The following CCDC141 variants were observed in gnomAD, a reference collection of about 807,000 sequenced individuals.
CCDC141 encodes the protein coiled-coil domain containing 141, also known as coiled-coil domain-containing protein 141.
A neutral mutation model predicts 181.0 loss-of-function variants in CCDC141; 168 were observed. That is an observed-to-expected ratio of 0.93 (90% CI 0.82 to 1.05). The LOEUF (loss-of-function observed/expected upper bound fraction) is 1.05, where lower values mean the gene tolerates loss of function less well. CCDC141 is among the 50% of genes least tolerant of loss of function. The pLI, the probability that CCDC141 is intolerant of heterozygous loss-of-function variation, is 0.00. For missense variants in CCDC141, 1,902 were observed against 1,788.5 expected, an observed-to-expected ratio of 1.06 and a Z score of -1.14; for synonymous variants, 666 against 642.3, an observed-to-expected ratio of 1.04 and a Z score of -0.56.
intron 6 of CCDC141, among the ~76,000 whole-genome samples, chr2:178,940,107 C>T (rs1406458967): frequency 1.3e-5 from 2 of 152,116 alleles, no homozygotes; most frequent in African/African-American, 4.8e-5. Context: ...ATGTCAGCAA[C>T]TGGGCATGAA....
intron 5 of CCDC141, among the ~76,000 whole-genome samples, chr2:178,955,012 C>T (rs544695292): frequency 2.0e-5 from 3 of 152,232 alleles, no homozygotes; most frequent in South Asian, 2.1e-4. Context: ...AGGCCAGGCA[C>T]GGTGGCTCAT....
intron 2 of CCDC141, among the ~76,000 whole-genome samples, chr2:179,037,606 G>A (rs981319029): frequency 2.6e-5 from 4 of 152,084 alleles, no homozygotes; most frequent in African/African-American, 9.7e-5. Context: ...TATCTGATAA[G>A]GCATTAATAT....
Position 178,908,181 on chromosome 2 carries a change from G to A in CCDC141, c.1093-2680C>T, listed in dbSNP as rs1688062474. Among the ~76,000 whole-genome samples the A allele has an allele frequency of 3.3e-5, 5 of 152,130 alleles. No homozygotes were observed. In the South Asian group the frequency reaches 1.0e-3, roughly 32 times the overall value. ...AATAAAGCGGAGTTTGTTGTTAACTGAGGGTTAGGTTTTTTGTTTTGTTTT... is the reference window on the plus strand; with the variant it reads ...AATAAAGCGGAGTTTGTTGTTAACTAAGGGTTAGGTTTTTTGTTTTGTTTT... On this transcript the variant is annotated intron_variant, in intron 7 of 23. Coordinates refer to ENST00000443758, the MANE Select transcript of CCDC141 (RefSeq NM_173648.4).
chr2:178,959,359 AG>A (rs1191589186), intron 5 of CCDC141, among the ~76,000 whole-genome samples: 1 of 152,142 alleles, frequency 6.6e-6, no homozygotes, highest in Non-Finnish European at 1.5e-5. Context: ...GATAAAAGGA[AG>A]GTTCCTTTAA....
chr2:178,981,299 C>T lies in CCDC141; in HGVS notation c.226-2624G>A, dbSNP rs551960868. 4.6e-5 allele frequency among the ~76,000 whole-genome samples: 7 copies of T among 152,068 alleles called. No individual in the cohort carries two copies. In the East Asian group the frequency reaches 1.4e-3, roughly 29 times the overall value. ...TTCCAACAATGCATAACACACTTTC[C>T]TCTCAAGCTTACATGGAACATACAT... On this transcript the variant is annotated intron_variant, in intron 2 of 23. Coordinates refer to ENST00000443758, the MANE Select transcript of CCDC141 (RefSeq NM_173648.4).
At chr2:178,827,288 G>C (rs967632706), downstream of CCDC141, among the ~76,000 whole-genome samples, 1 of 152,136 alleles carries the variant, frequency 6.6e-6, no homozygotes, top group Non-Finnish European at 1.5e-5. Flanking sequence ...CTTGGAAAAT[G>C]CTCCACGTGA....
chr2:178,989,612 A>ATAAG (rs1312561798), intron 2 of CCDC141, among the ~76,000 whole-genome samples: 7 of 140,546 alleles, frequency 5.0e-5, no homozygotes, highest in Admixed American at 4.9e-4. Flanking sequence ...AAAAAAATAA[A>ATAAG]TAAATAAATA....
At chr2:178,938,774 G>T (rs975099970) in intron 6 of CCDC141, among the ~76,000 whole-genome samples, 4 of 151,948 alleles carry the variant, frequency 2.6e-5, no homozygotes, top group Non-Finnish European at 2.9e-5. Context: ...AGGAAAGTGG[G>T]GCTCGCAGGG....
chr2:178,863,789 G>A (rs1047746405), intron 17 of CCDC141, among the ~76,000 whole-genome samples: 5 of 152,220 alleles, frequency 3.3e-5, no homozygotes, highest in African/African-American at 4.8e-5. Context: ...TGGATCAGTA[G>A]TGGAAGCAAA....
At chr2:178,972,283 C>T (rs557985820) in intron 4 of CCDC141, among the ~76,000 whole-genome samples, 12 of 152,232 alleles carry the variant, frequency 7.9e-5, no homozygotes, top group South Asian at 6.2e-4. Context: ...TAAAGCACTT[C>T]GTTTGTTGCT....
chr2:178,976,984 C>A (rs1691149839), intron 3 of CCDC141, among the ~76,000 whole-genome samples: 1 of 152,120 alleles, frequency 6.6e-6, no homozygotes, highest in Non-Finnish European at 1.5e-5. Context: ...TTACTTTTAT[C>A]AGTATTTTCC....
rs770231088 is a variant in CCDC141 at position 178,855,465 on chromosome 2, T to A, written c.2942A>T (p.Asn981Ile). The A allele has an allele frequency of 6.2e-7, 1 of 1,611,404 alleles. No homozygotes were observed. The highest frequency in any genetic ancestry group is 1.7e-5 in the Admixed American group (1 of 59,616). Residue 981 changes from asparagine to isoleucine, a missense_variant, in exon 19 of 24, where the codon AAT becomes ATT. Coordinates refer to ENST00000443758, the MANE Select transcript of CCDC141 (RefSeq NM_173648.4). ...ATCCTTCATGACTTCCAAAAGGACA[T>A]TAACTTTATCACTTGGATAATTTAA... ...SFLNYPSDKV[N>I]VLLEVMKDLQ...
In CCDC141 at chr2:178,837,045, T is replaced by C. The variant is rs1275066432; in HGVS notation, c.4174A>G (p.Ile1392Val). 3.8e-5 allele frequency: 61 copies of C among 1,613,906 alleles called. No individual in the cohort carries two copies. The highest frequency in any genetic ancestry group is 5.1e-5 in the Non-Finnish European group (60 of 1,179,954). ...CTGCTCTTTGCTGATGTGCTTTTAA[T>C]CTCTTCTCGAGGAACCATTTGCCTC... ...YQRQMVPREE[I>V]KSTSAKSSVV... is the part of the protein sequence containing the mutation. The change falls in exon 23 of 24, where the codon ATT becomes GTT. Residue 1392 changes from isoleucine (I) to valine (V), a missense_variant. Transcript: ENST00000443758.
chr2:179,015,286 C>CATATATCTCATATATGTATCAT (rs2042444026), intron 2 of CCDC141, among the ~76,000 whole-genome samples: 1 of 120,862 alleles, frequency 8.3e-6, no homozygotes, highest in Admixed American at 8.6e-5. Flanking sequence ...ATCTATCTCT[C>CATATATCTCATATATGTATCAT]ATATATCTCA....
intron 6 of CCDC141, among the ~76,000 whole-genome samples, chr2:178,927,849 CA>C (rs1688966291): frequency 6.6e-6 from 1 of 152,024 alleles, no homozygotes; most frequent in South Asian, 2.1e-4. Context: ...AACGAAGAGA[CA>C]AAAAGTCTGG....
chr2:178,954,199 G>A (rs935935555), intron 5 of CCDC141, among the ~76,000 whole-genome samples: 1 of 152,032 alleles, frequency 6.6e-6, no homozygotes, highest in African/African-American at 2.4e-5. Context: ...TGCCTGATTG[G>A]AGCAATTGAG....
At chr2:178,870,276 A>T (rs1686057725) in intron 14 of CCDC141, among the ~76,000 whole-genome samples, 1 of 151,426 alleles carries the variant, frequency 6.6e-6, no homozygotes, top group Non-Finnish European at 1.5e-5. Context: ...AAAGATAGAG[A>T]ATGCTACTAT....
At chr2:178,994,301 C>G (rs1328463712) in intron 2 of CCDC141, among the ~76,000 whole-genome samples, 1 of 152,224 alleles carries the variant, frequency 6.6e-6, no homozygotes, top group East Asian at 1.9e-4. Context: ...GGAAGAGGGT[C>G]CGAAAGCCCA....
At chr2:178,920,946 C>T (rs1688663500) in intron 6 of CCDC141, among the ~76,000 whole-genome samples, 1 of 152,014 alleles carries the variant, frequency 6.6e-6, no homozygotes, top group Non-Finnish European at 1.5e-5. Flanking sequence ...TCCTCAAAAA[C>T]CCTTAAATTA....
Sources: allele counts gnomAD v4.1 joint callset (sites outside exome capture counted in the v4.1 genomes callset), GRCh38; gene constraint gnomAD v4.1.1; transcripts MANE v1.5; gene names NCBI Gene and HGNC (gene_info 2026-07-23, HGNC 2026-07-21).